Variants in SATB1 observed in about 807,000 individuals in gnomAD.
SATB1 encodes the protein DNA-binding protein SATB1.
Under a neutral mutation model 86.9 loss-of-function variants are expected in SATB1, and 11 were observed. The ratio of observed to expected loss-of-function variants is 0.13; its 90% CI spans 0.08 to 0.21. SATB1 has a LOEUF of 0.21. SATB1 is among the 10% of genes least tolerant of loss of function. The pLI is 1.00. For missense variants in SATB1, 551 were observed against 937.6 expected (o/e 0.59, Z 5.39); for synonymous variants, 357 against 357.2 (o/e 1.00, Z 0.01).
At chr3:18,399,928 G>A (rs900344856) in intron 5 of SATB1, among the ~76,000 whole-genome samples, 11 of 151,222 alleles carry the variant, frequency 7.3e-5, no homozygotes, top group Non-Finnish European at 8.8e-5. Context: ...GGGCGTGGGC[G>A]TGTGTGTGTG....
At chr3:18,378,360 A>T (rs1236093376) in intron 8 of SATB1, 35 bp from the exon 9 acceptor site, 2 of 1,604,464 alleles carry the variant, frequency 1.2e-6, no homozygotes. Flanking sequence ...GTCATTTTTC[A>T]TTGGCTGAAT....
In SATB1 at chr3:18,348,493, T is replaced by C. The variant is rs1472381722; in HGVS notation, c.*677A>G. 6.6e-6 allele frequency: 1 copy of C among 152,594 alleles called. No homozygotes were observed. The highest frequency in any genetic ancestry group is 1.9e-4 in the East Asian group (1 of 5,200). 9.5% of individuals were successfully genotyped at this position (152,594 alleles called of 1,614,324 possible). A position where few individuals can be genotyped will look rare whatever the true frequency, so the allele number is the denominator to read the frequency against. On this transcript the variant is annotated 3_prime_UTR_variant, in exon 11 of 11. Transcript: ENST00000338745. Reference sequence around the variant, plus strand: ...AATTACAACATGATGCTGCAGGATCTACAAATAAATAATGAGGACTAAATT... The same window carrying C: ...AATTACAACATGATGCTGCAGGATCCACAAATAAATAATGAGGACTAAATT...
At chr3:18,369,087 G>A (rs755525331) in intron 9 of SATB1, among the ~76,000 whole-genome samples, 3 of 151,096 alleles carry the variant, frequency 2.0e-5, no homozygotes, top group Non-Finnish European at 2.9e-5. Context: ...ATGAAATAAA[G>A]TTCCTAACTG....
At chr3:18,433,522 A>T in intron 2 of SATB1, among the ~76,000 whole-genome samples, 1 of 152,086 alleles carries the variant, frequency 6.6e-6, no homozygotes. Flanking sequence ...CAGTTTTCAT[A>T]TCATCTATTC....
At position 18,394,310 on chromosome 3, in the gene SATB1, A is replaced by AT. The variant is rs1223604517; in HGVS notation, c.1206+151dup. ...ATATCATAGGAAAAGGAGTGGTAAA[A>AT]TTGAGGCTCCACCAGGAATAGGTAA... On this transcript the variant is annotated intron_variant, in intron 7 of 10. Transcript: ENST00000338745. The surrounding 1 kb of genome is among the most constrained non-coding windows in gnomAD (Gnocchi z 5.9). 1.5e-6 allele frequency: 1 copy of AT among 685,376 alleles called. No homozygotes were observed. Among genetic ancestry groups the AT allele is most frequent in the Non-Finnish European group, 2.5e-6 (1 of 407,024 alleles). The allele number at this position is 685,376 out of a possible 1,614,324, so 42.5% of individuals were successfully genotyped here.
intron 9 of SATB1, among the ~76,000 whole-genome samples, chr3:18,377,869 T>C (rs561054954): frequency 1.3e-5 from 2 of 152,292 alleles, no homozygotes; most frequent in Non-Finnish European, 2.9e-5. Context: ...TTATTTATTC[T>C]ACTACAATAG....
chr3:18,384,890 A>G (rs1696252582), intron 8 of SATB1, among the ~76,000 whole-genome samples: 1 of 152,184 alleles, frequency 6.6e-6, no homozygotes, highest in Non-Finnish European at 1.5e-5. Flanking sequence ...CTTTTCTCCT[A>G]AAGAAGCATG....
Position 18,349,866 on chromosome 3 carries a change from A to G in SATB1, c.1780-184T>C. 5 of 1,072,070 alleles carry G rather than the reference A, an allele frequency of 4.7e-6. No individual in the cohort carries two copies. The highest frequency in any genetic ancestry group is 1.8e-5 in the South Asian group (1 of 56,746). The allele number at this position is 1,072,070 out of a possible 1,614,324, so 66.4% of individuals were successfully genotyped here. A position where few individuals can be genotyped will look rare whatever the true frequency, so the allele number is the denominator to read the frequency against. On this transcript the variant is annotated intron_variant, in intron 10 of 10. Transcript: ENST00000338745. This position sits in a 1 kb window ranked among gnomAD's most constrained non-coding sequence, Gnocchi z 5.5. Reference sequence around the variant, plus strand: ...GCATTTACAAAAAAATCAAAATGATATGACTAGGAAGGGATGAATTAAGAC... The same window carrying G: ...GCATTTACAAAAAAATCAAAATGATGTGACTAGGAAGGGATGAATTAAGAC...
At chr3:18,360,159 T>C (rs1694838650) in intron 9 of SATB1, among the ~76,000 whole-genome samples, 1 of 152,138 alleles carries the variant, frequency 6.6e-6, no homozygotes, top group African/African-American at 2.4e-5. Flanking sequence ...AAAAAGCACA[T>C]TAATCTGATG....
chr3:18,400,884 AG>A (rs536864169), intron 5 of SATB1, among the ~76,000 whole-genome samples: 441 of 152,318 alleles, frequency 2.9e-3, no homozygotes, highest in Non-Finnish European at 4.4e-3. Flanking sequence ...GGAATAGTAA[AG>A]GAAAACACCA....
In SATB1 at chr3:18,346,983, G is replaced by T. The variant is rs1347371935; in HGVS notation, c.*2187C>A. On this transcript the variant is annotated 3_prime_UTR_variant, in exon 11 of 11. Transcript: ENST00000338745. ...TTGTTTTCTTACTAAATAAAAAGTG[G>T]CAACTTTTCAGTACAATTTTAAGTT... 3 of 152,018 alleles carry T rather than the reference G, an allele frequency of 2.0e-5. No homozygotes were observed. The East Asian group carries it at 5.8e-4, about 29-fold the overall frequency. 9.4% of individuals were successfully genotyped at this position (152,018 alleles called of 1,614,324 possible).
At chr3:18,391,083 A>T (rs9880336) in intron 7 of SATB1, among the ~76,000 whole-genome samples, 1 of 151,964 alleles carries the variant, frequency 6.6e-6, no homozygotes, top group Non-Finnish European at 1.5e-5. Flanking sequence ...AAGTAACTAT[A>T]TAAGTTTACC....
Position 18,423,732 on chromosome 3 carries a change from T to A in SATB1, c.-130A>T. On this transcript the variant is annotated 5_prime_UTR_variant, in exon 1 of 11. Coordinates refer to ENST00000338745, the MANE Select transcript of SATB1 (RefSeq NM_002971.6). ...AGACTGATGTTTTCTATGTCCTTTT[T>A]TTTTTTAATTAAAAAAAAAAAAATA... 1.0e-5 allele frequency: 1 copy of A among 99,358 alleles called. No individual in the cohort carries two copies. The highest frequency in any genetic ancestry group is 2.0e-5 in the Non-Finnish European group (1 of 49,284). The allele number at this position is 99,358 out of a possible 1,614,324, so 6.2% of individuals were successfully genotyped here.
chr3:18,411,093 A>G (rs1231108667), intron 5 of SATB1: 3 of 386,258 alleles, frequency 7.8e-6, no homozygotes. Context: ...ATCTTTCTCA[A>G]TATTACTTCT....
At chr3:18,381,761 A>AATTATATT (rs1696075602) in intron 8 of SATB1, among the ~76,000 whole-genome samples, 1 of 152,250 alleles carries the variant, frequency 6.6e-6, no homozygotes, top group African/African-American at 2.4e-5. Flanking sequence ...AGGGTATAAA[A>AATTATATT]ATTATATTTT....
chr3:18,416,459 T>C (rs1458142029), intron 3 of SATB1, among the ~76,000 whole-genome samples: 2 of 152,138 alleles, frequency 1.3e-5, no homozygotes, highest in Non-Finnish European at 2.9e-5. Context: ...AATGGCTTTA[T>C]GATTTAGATA....
chr3:18,397,776 G>A (rs1697040403), intron 5 of SATB1, among the ~76,000 whole-genome samples: 1 of 152,198 alleles, frequency 6.6e-6, no homozygotes, highest in Non-Finnish European at 1.5e-5. Context: ...CCCCAGACCA[G>A]TGCACTTAGC....
At chr3:18,399,934 G>A (rs1260927126) in intron 5 of SATB1, among the ~76,000 whole-genome samples, 2 of 152,088 alleles carry the variant, frequency 1.3e-5, no homozygotes, top group Non-Finnish European at 2.9e-5. Flanking sequence ...GGGCGTGTGT[G>A]TGTGTTTCAG....
At chr3:18,428,416 G>T (rs1698781362), upstream of SATB1, among the ~76,000 whole-genome samples, 1 of 152,148 alleles carries the variant, frequency 6.6e-6, no homozygotes, top group Admixed American at 6.5e-5. Flanking sequence ...CCACCTCTCA[G>T]TATTGCCACA....
Sources: gnomAD v4.1 joint callset for allele counts (sites outside exome capture counted in the v4.1 genomes callset) on GRCh38, gnomAD v4.1.1 for gene constraint, Gnocchi (gnomAD v3.1) non-coding constraint, MANE v1.5 for transcripts, NCBI Gene and HGNC (gene_info 2026-07-23, HGNC 2026-07-21) for gene names.